RAD51B: variants seen among roughly 807,000 people sequenced by gnomAD.
The protein encoded by RAD51B is RAD51 paralog B.
In RAD51B, 38 loss-of-function variants were observed where a neutral mutation model predicts 42.2. The observed-to-expected ratio is 0.90, with a 90% CI of 0.70 to 1.18. The LOEUF is 1.18. Ranked by LOEUF, RAD51B falls within the 50% of genes most tolerant of loss-of-function variation. The pLI is 0.00. For synonymous variants in RAD51B, 154 were observed against 145.2 expected (o/e 1.06, Z -0.43); for missense variants, 373 against 400.7 (o/e 0.93, Z 0.59).
intron 7 of RAD51B, among the ~76,000 whole-genome samples, chr14:68,268,527 G>A (rs2081038455): frequency 6.6e-6 from 1 of 152,174 alleles, no homozygotes; most frequent in African/African-American, 2.4e-5. Context: ...CTGGCAAAAT[G>A]TCTGTTCACA....
intron 10 of RAD51B, among the ~76,000 whole-genome samples, chr14:68,531,582 C>T (rs141682497): frequency 6.2e-4 from 94 of 152,132 alleles, no homozygotes; most frequent in Middle Eastern, 3.4e-3. Context: ...AAATTCAAAA[C>T]ATGTAAAGCA....
At chr14:68,312,323 C>A (rs1303339853) in intron 8 of RAD51B, among the ~76,000 whole-genome samples, 1 of 152,188 alleles carries the variant, frequency 6.6e-6, no homozygotes, top group Non-Finnish European at 1.5e-5. Context: ...TATAACGGAT[C>A]CACCGTTCTG....
intron 8 of RAD51B, among the ~76,000 whole-genome samples, chr14:68,395,532 G>A (rs1023435470): frequency 1.3e-5 from 2 of 152,312 alleles, no homozygotes; most frequent in Middle Eastern, 3.4e-3. Flanking sequence ...TTGATGATCA[G>A]TTTAAGGAAA....
At chr14:68,124,922 C>T (rs1045717702) in intron 7 of RAD51B, 10 of 150,598 alleles carry the variant, frequency 6.6e-5, no homozygotes, top group African/African-American at 2.5e-4. Context: ...GCACTCCAGC[C>T]TGGGTGACAG....
At chr14:68,600,313 A>C (rs1421471202), downstream of RAD51B, among the ~76,000 whole-genome samples, 1 of 152,214 alleles carries the variant, frequency 6.6e-6, no homozygotes, top group Non-Finnish European at 1.5e-5. Flanking sequence ...CCCGTCATGT[A>C]ATCACTGGAG....
At chr14:68,574,976 A>T (rs1407780146) in intron 10 of RAD51B, among the ~76,000 whole-genome samples, 1 of 152,176 alleles carries the variant, frequency 6.6e-6, no homozygotes, top group Non-Finnish European at 1.5e-5. Context: ...GAGGTTAGAG[A>T]AGAGGAAAGC....
At chr14:68,044,255 G>A (rs770516945) in intron 7 of RAD51B, among the ~76,000 whole-genome samples, 2 of 152,196 alleles carry the variant, frequency 1.3e-5, no homozygotes, top group African/African-American at 4.8e-5. Context: ...GAAACCAAAG[G>A]ATATGAAGTG....
chr14:68,361,195 C>T (rs559238494), intron 8 of RAD51B, among the ~76,000 whole-genome samples: 1 of 152,252 alleles, frequency 6.6e-6, no homozygotes, highest in Non-Finnish European at 1.5e-5. Context: ...TACCCAATAT[C>T]CTTTAGTTCA....
At chr14:68,139,575 G>GT (rs987696580) in intron 7 of RAD51B, among the ~76,000 whole-genome samples, 76 of 152,300 alleles carry the variant, frequency 5.0e-4, no homozygotes, top group African/African-American at 1.8e-3. Context: ...TACCTAAGGG[G>GT]TGGCAGTGTG....
At chr14:68,016,508 A>G (rs975256507) in intron 7 of RAD51B, among the ~76,000 whole-genome samples, 1 of 152,222 alleles carries the variant, frequency 6.6e-6, no homozygotes, top group African/African-American at 2.4e-5. Context: ...TGTTTTGAGT[A>G]TTTATTATCT....
chr14:67,867,425 C>T (rs1436604320), intron 5 of RAD51B, among the ~76,000 whole-genome samples: 4 of 152,186 alleles, frequency 2.6e-5, no homozygotes, highest in African/African-American at 9.7e-5. Flanking sequence ...TGCACATTTT[C>T]AGACATCGGA....
At chr14:68,216,392 A>G (rs1481692146) in intron 7 of RAD51B, among the ~76,000 whole-genome samples, 1 of 152,210 alleles carries the variant, frequency 6.6e-6, no homozygotes, top group Non-Finnish European at 1.5e-5. Context: ...CTTAATCCTC[A>G]TGACAGCCCT....
chr14:68,275,080 G>A (rs1260470307), intron 7 of RAD51B, among the ~76,000 whole-genome samples: 1 of 152,116 alleles, frequency 6.6e-6, no homozygotes, highest in African/African-American at 2.4e-5. Flanking sequence ...ACTGGTTTTA[G>A]CACCCATTGA....
chr14:68,328,533 A>G (rs1394706504), intron 8 of RAD51B, among the ~76,000 whole-genome samples: 1 of 152,198 alleles, frequency 6.6e-6, no homozygotes, highest in Non-Finnish European at 1.5e-5. Context: ...GGAGCTATGA[A>G]TAGAAGAACC....
chr14:68,403,807 G>A (rs1006419557), intron 8 of RAD51B, among the ~76,000 whole-genome samples: 1 of 152,172 alleles, frequency 6.6e-6, no homozygotes, highest in African/African-American at 2.4e-5. Context: ...AAAAATGCAG[G>A]AGATAATGAT....
At chr14:68,563,428 A>G in intron 10 of RAD51B, 1 of 985,470 alleles carries the variant, frequency 1.0e-6, no homozygotes, top group South Asian at 4.7e-5. Flanking sequence ...ATTTACCCAA[A>G]GAAAACAGGG....
chr14:68,034,293 A>T (rs1323711176), intron 7 of RAD51B, among the ~76,000 whole-genome samples: 2 of 151,476 alleles, frequency 1.3e-5, no homozygotes, highest in Non-Finnish European at 2.9e-5. Context: ...TGGGGTGGGA[A>T]CATGGTCTTG....
At chr14:68,017,970 G>GAATAAATAAATAAATA (rs148672009) in intron 7 of RAD51B, among the ~76,000 whole-genome samples, 1,890 of 149,412 alleles carry the variant, frequency 0.013, 22 homozygotes, top group African/African-American at 0.032. Flanking sequence ...ACTCCGTCTC[G>GAATAAATAAATAAATA]AATAAATAAA....
intron 7 of RAD51B, among the ~76,000 whole-genome samples, chr14:68,228,914 G>A (rs924328315): frequency 2.0e-5 from 3 of 152,148 alleles, no homozygotes; most frequent in East Asian, 1.9e-4. Context: ...GTGAACATGG[G>A]AATACAGTCT....
Sources: allele counts gnomAD v4.1 joint callset (sites outside exome capture counted in the v4.1 genomes callset), GRCh38; gene constraint gnomAD v4.1.1; transcripts MANE v1.5; gene names NCBI Gene and HGNC (gene_info 2026-07-23, HGNC 2026-07-21).